OSTF1: variants seen among roughly 807,000 people sequenced by gnomAD.
The protein encoded by OSTF1 is osteoclast stimulating factor 1.
In OSTF1, 27 loss-of-function variants were observed where a neutral mutation model predicts 37.2. The observed-to-expected ratio is 0.73, with a 90% CI of 0.54 to 1.00. The LOEUF is 1.00. Among genes scored for constraint, OSTF1 ranks in the 50% least tolerant of loss-of-function variants. The probability of loss-of-function intolerance (pLI) is 0.00; values close to 1 mark genes in which losing one functional copy is unlikely to be tolerated. For synonymous variants in OSTF1, 82 were observed against 89.2 expected, an observed-to-expected ratio of 0.92 and a Z score of 0.46; for missense variants, 232 against 253.8, an observed-to-expected ratio of 0.91 and a Z score of 0.58.
At chr9:75,131,339 A>G (rs938762410) in intron 4 of OSTF1, among the ~76,000 whole-genome samples, 4 of 152,214 alleles carry the variant, frequency 2.6e-5, no homozygotes, top group Admixed American at 6.5e-5. Context: ...CCGATCCTAC[A>G]TAAATACACA....
chr9:75,120,225 T>G (rs1254058615), intron 2 of OSTF1, among the ~76,000 whole-genome samples: 1 of 152,124 alleles, frequency 6.6e-6, no homozygotes. Flanking sequence ...GCATCTGTAC[T>G]GGGGGTTTGG....
At chr9:75,106,986 A>AG (rs1458423935) in intron 1 of OSTF1, among the ~76,000 whole-genome samples, 1 of 147,928 alleles carries the variant, frequency 6.8e-6, no homozygotes, top group African/African-American at 2.6e-5. Flanking sequence ...AGAAAAAAAA[A>AG]GAAAAAAAAA....
chr9:75,096,158 C>T (rs1825082767), intron 1 of OSTF1, among the ~76,000 whole-genome samples: 1 of 152,208 alleles, frequency 6.6e-6, no homozygotes, highest in Non-Finnish European at 1.5e-5. Flanking sequence ...TCCCAAAGTG[C>T]TGGGATTACA....
intron 2 of OSTF1, among the ~76,000 whole-genome samples, chr9:75,125,292 T>G (rs1350728856): frequency 6.6e-6 from 1 of 152,046 alleles, no homozygotes; most frequent in African/African-American, 2.4e-5. Context: ...TCTCTGGGAG[T>G]GATCCAGTTT....
intron 8 of OSTF1, among the ~76,000 whole-genome samples, chr9:75,139,899 C>T (rs12346959): frequency 0.16 from 24,598 of 152,116 alleles, 2,184 homozygotes; most frequent in Admixed American, 0.2. Context: ...GTAAACCATT[C>T]TTCAGAAATA....
chr9:75,121,141 TGTAAA>T (rs1320353775), intron 2 of OSTF1, among the ~76,000 whole-genome samples: 2 of 151,958 alleles, frequency 1.3e-5, no homozygotes, highest in African/African-American at 4.9e-5. Flanking sequence ...TGTTCTCATC[TGTAAA>T]GTGAGGATAA....
At chr9:75,107,547 A>G (rs552777830) in intron 1 of OSTF1, among the ~76,000 whole-genome samples, 5 of 152,294 alleles carry the variant, frequency 3.3e-5, no homozygotes, top group East Asian at 1.9e-4. Flanking sequence ...TTTTTTATAT[A>G]CTTGCTGAGA....
intron 1 of OSTF1, among the ~76,000 whole-genome samples, chr9:75,116,826 T>C (rs1159415358): frequency 3.3e-5 from 5 of 152,162 alleles, no homozygotes; most frequent in Non-Finnish European, 7.4e-5. Context: ...AGCTCCTTGC[T>C]GTTAGAAGGA....
Position 75,146,859 on chromosome 9 carries a change from TG to T in OSTF1, c.*119del. ...AAATTATATATGAACACGGCAGTGT[TG>T]CACTGTGTTTGAGTAGAACGTGTAA... is the stretch of plus-strand genomic sequence containing the variant. On this transcript the variant is annotated 3_prime_UTR_variant, in exon 10 of 10. Transcript: ENST00000346234. The T allele has an allele frequency of 1.5e-6, 1 of 678,588 alleles. No individual in the cohort carries two copies. The highest frequency in any genetic ancestry group is 2.5e-6 in the Non-Finnish European group (1 of 395,542). The allele number at this position is 678,588 out of a possible 1,614,324, so 42.0% of individuals were successfully genotyped here.
At chr9:75,133,200 A>G in intron 5 of OSTF1, 94 bp from the exon 6 acceptor site, 1 of 746,034 alleles carries the variant, frequency 1.3e-6, no homozygotes, top group East Asian at 2.5e-5. Context: ...ATCCATTGCA[A>G]ATGGAAATTT....
chr9:75,104,948 G>A (rs1016949337), intron 1 of OSTF1, among the ~76,000 whole-genome samples: 13 of 152,268 alleles, frequency 8.5e-5, no homozygotes, highest in African/African-American at 3.1e-4. Context: ...ATAAAATAGG[G>A]TTAATAGAAC....
At chr9:75,137,855 T>G (rs1825867991) in intron 8 of OSTF1, among the ~76,000 whole-genome samples, 1 of 152,206 alleles carries the variant, frequency 6.6e-6, no homozygotes, top group Admixed American at 6.5e-5. Context: ...TATATTACTT[T>G]TAGTAAGAAC....
At chr9:75,124,375 C>G (rs147107851) in intron 2 of OSTF1, among the ~76,000 whole-genome samples, 16 of 152,222 alleles carry the variant, frequency 1.1e-4, no homozygotes, top group African/African-American at 3.4e-4. Flanking sequence ...TTATTTCTTT[C>G]TAAATTTTTT....
At chr9:75,127,101 T>A (rs74687423) in intron 2 of OSTF1, among the ~76,000 whole-genome samples, 2,119 of 152,322 alleles carry the variant, frequency 0.014, 56 homozygotes, top group African/African-American at 0.048. Context: ...AGAGCTAGGA[T>A]AATGATTTTC....
rs762974338 is a variant in OSTF1 at position 75,146,735 on chromosome 9, A to G, written c.639A>G (p.Ser213=). The change falls in exon 10 of 10, where the codon TCA becomes TCG. Residue 213 remains serine, a synonymous_variant. Coordinates refer to ENST00000346234, the MANE Select transcript of OSTF1 (RefSeq NM_012383.5). ...AGGACTATCTCGATGATGAAGACTC[A>G]GATTAATTCCTTTCTGGAGCTTTGA... ...NAEDYLDDED[S]D is the part of the protein sequence containing the mutation. The G allele has an allele frequency of 7.5e-6, 12 of 1,604,094 alleles. No individual in the cohort carries two copies. Among genetic ancestry groups the G allele is most frequent in the Non-Finnish European group, 1.0e-5 (12 of 1,172,860 alleles).
intron 1 of OSTF1, among the ~76,000 whole-genome samples, chr9:75,102,192 C>G (rs1814124017): frequency 6.6e-6 from 1 of 152,096 alleles, no homozygotes; most frequent in South Asian, 2.1e-4. Context: ...CCAGGCTGAT[C>G]CTGAACTCCT....
intron 9 of OSTF1, among the ~76,000 whole-genome samples, chr9:75,145,500 G>T (rs1826009492): frequency 6.6e-6 from 1 of 152,104 alleles, no homozygotes; most frequent in African/African-American, 2.4e-5. Flanking sequence ...TCACTAAACG[G>T]CACAAAATGA....
chr9:75,111,383 A>G (rs1825385151), intron 1 of OSTF1, among the ~76,000 whole-genome samples: 1 of 152,090 alleles, frequency 6.6e-6, no homozygotes, highest in African/African-American at 2.4e-5. Flanking sequence ...CTCTTCAGGG[A>G]CTGGGTGGGG....
chr9:75,123,799 G>A (rs1225408830), intron 2 of OSTF1, among the ~76,000 whole-genome samples: 5 of 152,184 alleles, frequency 3.3e-5, no homozygotes, highest in African/African-American at 1.2e-4. Flanking sequence ...ACTGTCGACT[G>A]TAATTTCTCG....
Sources: allele counts gnomAD v4.1 joint callset (sites outside exome capture counted in the v4.1 genomes callset), GRCh38; gene constraint gnomAD v4.1.1; transcripts MANE v1.5; gene names NCBI Gene and HGNC (gene_info 2026-07-23, HGNC 2026-07-21).